The following KAZN variants were observed in gnomAD, a reference collection of about 807,000 sequenced individuals.
The protein encoded by KAZN is kazrin.
In KAZN, 40 loss-of-function variants were observed where a neutral mutation model predicts 87.4. That is an observed-to-expected ratio of 0.46 (90% CI 0.36 to 0.60). The LOEUF is 0.60. Ranked by LOEUF, KAZN falls within the 20% of genes least tolerant of loss-of-function variation. The pLI, the probability that KAZN is intolerant of heterozygous loss-of-function variation, is 0.00. For synonymous variants in KAZN, 466 were observed against 458.3 expected (o/e 1.02, Z -0.22); for missense variants, 898 against 1,073.9 (o/e 0.84, Z 2.29).
intron 2 of KAZN, among the ~76,000 whole-genome samples, chr1:14,183,182 G>A (rs1405725584): frequency 6.6e-6 from 1 of 152,162 alleles, no homozygotes; most frequent in Non-Finnish European, 1.5e-5. Context: ...TTAGGAGAAC[G>A]TCAAAGGCAA....
chr1:14,726,189 C>G (rs1295343397), intron 1 of KAZN, among the ~76,000 whole-genome samples: 2 of 152,234 alleles, frequency 1.3e-5, no homozygotes, highest in African/African-American at 4.8e-5. Flanking sequence ...GGGCCTATGA[C>G]AAGCCCTTGT....
At chr1:14,388,159 C>T (rs183692424) in intron 2 of KAZN, among the ~76,000 whole-genome samples, 25 of 152,324 alleles carry the variant, frequency 1.6e-4, no homozygotes, top group Admixed American at 1.4e-3. Context: ...GGCAATGCCT[C>T]GCCCTGCTTC....
intron 1 of KAZN, among the ~76,000 whole-genome samples, chr1:14,785,476 C>T (rs1250425423): frequency 2.0e-5 from 3 of 152,130 alleles, no homozygotes; most frequent in East Asian, 1.9e-4. Flanking sequence ...AGGGGAGGCC[C>T]GTTCCTCTGG....
chr1:14,305,296 G>T (rs930028097), intron 2 of KAZN, among the ~76,000 whole-genome samples: 1 of 152,226 alleles, frequency 6.6e-6, no homozygotes, highest in East Asian at 1.9e-4. Flanking sequence ...TACAGAAGCA[G>T]ATTATATCTT....
At chr1:14,113,008 A>C (rs1468279494) in intron 1 of KAZN, among the ~76,000 whole-genome samples, 1 of 152,200 alleles carries the variant, frequency 6.6e-6, no homozygotes, top group Non-Finnish European at 1.5e-5. Flanking sequence ...AAGTGTCTAA[A>C]GTGACACATC....
At chr1:14,132,909 T>C (rs1050726352) in intron 1 of KAZN, among the ~76,000 whole-genome samples, 3 of 152,154 alleles carry the variant, frequency 2.0e-5, no homozygotes, top group African/African-American at 7.2e-5. Context: ...TCCATCGTTA[T>C]GGTCCTCTAT....
intron 1 of KAZN, among the ~76,000 whole-genome samples, chr1:14,855,644 G>A (rs886627575): frequency 1.3e-5 from 2 of 152,204 alleles, no homozygotes; most frequent in African/African-American, 2.4e-5. Context: ...CACAAACCTG[G>A]TAGCTGTTCT....
rs375460490 is a variant in KAZN at position 14,894,082 on chromosome 1, G to A, written c.227-66602G>A. The stretch of plus-strand genomic sequence containing the variant: ...CTTCTCTGACCCACCAGAGCCCAGG[G>A]TGCTGCCACTCAAAGCATCACAGTA... On this transcript the variant is annotated intron_variant, in intron 1 of 14. Transcript: ENST00000376030. 9.7e-4 allele frequency among the ~76,000 whole-genome samples: 147 copies of A among 152,100 alleles called. 3 individuals carry two copies. The South Asian group carries it at 0.03, about 31-fold the overall frequency.
At position 15,096,998 on chromosome 1, in the gene KAZN, C is replaced by T. The variant is rs1261388017; in HGVS notation, c.1547+2065C>T. Among the ~76,000 whole-genome samples the T allele has an allele frequency of 6.6e-6, 1 of 152,176 alleles. No individual in the cohort carries two copies. The highest frequency in any genetic ancestry group is 1.5e-5 in the Non-Finnish European group (1 of 68,028). ...CGTGGAGCCCCACCCTTAGACACCCCCAGGGCTTCCTGGAGGAGGCAGAGG... is the reference window on the plus strand; with the variant it reads ...CGTGGAGCCCCACCCTTAGACACCCTCAGGGCTTCCTGGAGGAGGCAGAGG... On this transcript the variant is annotated intron_variant, in intron 10 of 14. Transcript: ENST00000376030. This position sits in a 1 kb window ranked among gnomAD's most constrained non-coding sequence, Gnocchi z 4.5.
intron 2 of KAZN, among the ~76,000 whole-genome samples, chr1:15,026,004 T>G (rs761859794): frequency 2.0e-5 from 3 of 151,924 alleles, no homozygotes; most frequent in Non-Finnish European, 4.4e-5. Flanking sequence ...CGAACTCACC[T>G]TACTCATCTT....
At chr1:14,666,383 A>G (rs950041413) in intron 1 of KAZN, among the ~76,000 whole-genome samples, 6 of 152,250 alleles carry the variant, frequency 3.9e-5, no homozygotes, top group African/African-American at 1.4e-4. Context: ...TCTATAATAA[A>G]GAAGTTATTA....
At chr1:15,049,607 A>G (rs527870078) in intron 4 of KAZN, among the ~76,000 whole-genome samples, 289 of 152,282 alleles carry the variant, frequency 1.9e-3, no homozygotes, top group Non-Finnish European at 3.2e-3. Context: ...AGACGTTCCT[A>G]TCTGTCTGGG....
chr1:14,216,040 A>G (rs1053724829), intron 2 of KAZN, among the ~76,000 whole-genome samples: 4 of 152,194 alleles, frequency 2.6e-5, no homozygotes, highest in African/African-American at 7.2e-5. Flanking sequence ...AATATCCTCA[A>G]TTTTTTTAAA....
At chr1:13,965,853 C>T (rs972201094) in intron 1 of KAZN, among the ~76,000 whole-genome samples, 1 of 152,144 alleles carries the variant, frequency 6.6e-6, no homozygotes, top group South Asian at 2.1e-4. Flanking sequence ...ATGTTTTCCT[C>T]TGAATTAGGA....
chr1:14,020,820 C>G (rs891685530), intron 1 of KAZN, among the ~76,000 whole-genome samples: 1 of 152,182 alleles, frequency 6.6e-6, no homozygotes, highest in Non-Finnish European at 1.5e-5. Flanking sequence ...AGTCCATCTT[C>G]TGGAATTCTC....
chr1:14,263,791 C>T, intron 2 of KAZN, among the ~76,000 whole-genome samples: 1 of 152,196 alleles, frequency 6.6e-6, no homozygotes, highest in East Asian at 1.9e-4. Context: ...ACGCAGTGAA[C>T]AGAGCTCAAG....
At chr1:14,993,935 C>T (rs1377096655) in intron 2 of KAZN, among the ~76,000 whole-genome samples, 2 of 152,146 alleles carry the variant, frequency 1.3e-5, no homozygotes, top group African/African-American at 2.4e-5. Flanking sequence ...TCCATGCAGG[C>T]TTGTGGAAGG....
intron 2 of KAZN, among the ~76,000 whole-genome samples, chr1:14,984,953 T>C (rs998597627): frequency 2.0e-5 from 3 of 151,398 alleles, no homozygotes; most frequent in Non-Finnish European, 4.4e-5. Flanking sequence ...CTGGCCAATA[T>C]GATGAAACCT....
At chr1:14,368,424 C>T (rs1660191016) in intron 2 of KAZN, among the ~76,000 whole-genome samples, 2 of 152,188 alleles carry the variant, frequency 1.3e-5, no homozygotes, top group Non-Finnish European at 2.9e-5. Context: ...AATGATCCAT[C>T]CATTAGGCAC....
Sources: allele counts gnomAD v4.1 joint callset (sites outside exome capture counted in the v4.1 genomes callset), GRCh38; gene constraint gnomAD v4.1.1; non-coding constraint Gnocchi (gnomAD v3.1); transcripts MANE v1.5; gene names NCBI Gene and HGNC (gene_info 2026-07-23, HGNC 2026-07-21).